Variants in WDR72 observed in about 807,000 individuals in gnomAD.
WDR72 encodes the protein WD repeat-containing protein 72.
WDR72 carries 120 observed loss-of-function variants against 124.2 expected under a neutral mutation model. The ratio of observed to expected loss-of-function variants is 0.97; its 90% CI spans 0.83 to 1.12. The LOEUF (loss-of-function observed/expected upper bound fraction) is 1.12, where lower values mean the gene tolerates loss of function less well. WDR72 is among the 50% of genes most tolerant of loss of function. The pLI is 0.00. For missense variants in WDR72, 1,387 were observed against 1,278.8 expected, an observed-to-expected ratio of 1.08 and a Z score of -1.29; for synonymous variants, 452 against 441.7, an observed-to-expected ratio of 1.02 and a Z score of -0.29.
intron 14 of WDR72, among the ~76,000 whole-genome samples, chr15:53,651,730 G>A (rs549665333): frequency 6.3e-4 from 96 of 152,280 alleles, no homozygotes; most frequent in Non-Finnish European, 1.3e-3. Context: ...TCAGCTCACT[G>A]CAACGCCTGC....
chr15:53,718,416 G>A (rs967776347), intron 3 of WDR72, among the ~76,000 whole-genome samples: 4 of 152,080 alleles, frequency 2.6e-5, no homozygotes, highest in South Asian at 2.1e-4. Flanking sequence ...AAATATTAAT[G>A]TATTTAAACC....
chr15:53,728,121 T>TG (rs1456032411), intron 2 of WDR72, among the ~76,000 whole-genome samples: 8 of 152,248 alleles, frequency 5.3e-5, no homozygotes, highest in Admixed American at 5.2e-4. Context: ...AGAAGTTTAA[T>TG]GGACTTACAG....
At chr15:53,517,808 A>T in intron 19 of WDR72, 54 bp from the exon 20 acceptor site, 1 of 1,570,534 alleles carries the variant, frequency 6.4e-7, no homozygotes, top group Non-Finnish European at 8.8e-7. Context: ...AAAGAGAAAA[A>T]AGAGAAAGAC....
chr15:53,545,721 C>T (rs1381907828), intron 18 of WDR72, among the ~76,000 whole-genome samples: 2 of 132,980 alleles, frequency 1.5e-5, no homozygotes, highest in South Asian at 2.5e-4. Context: ...TCAGAGTGAG[C>T]AGGCAACCTA....
At chr15:53,661,758 G>T (rs1278871765) in intron 14 of WDR72, among the ~76,000 whole-genome samples, 1 of 151,788 alleles carries the variant, frequency 6.6e-6, no homozygotes, top group Admixed American at 6.6e-5. Flanking sequence ...AACCAAAATA[G>T]AATTTAACAT....
chr15:53,567,619 A>G (rs1161322856), intron 18 of WDR72, among the ~76,000 whole-genome samples: 1 of 152,002 alleles, frequency 6.6e-6, no homozygotes, highest in Non-Finnish European at 1.5e-5. Context: ...TTATGTTAGC[A>G]TACCAAATTC....
intron 13 of WDR72, among the ~76,000 whole-genome samples, chr15:53,666,413 T>TA (rs749208454): frequency 4.0e-5 from 6 of 151,116 alleles, no homozygotes; most frequent in Non-Finnish European, 7.4e-5. Context: ...AACTTAAAGT[T>TA]AAAAAAAAAG....
intron 14 of WDR72, among the ~76,000 whole-genome samples, chr15:53,627,572 A>C (rs2014261016): frequency 6.6e-6 from 1 of 152,208 alleles, no homozygotes; most frequent in South Asian, 2.1e-4. Flanking sequence ...TGAGAAAACT[A>C]ACTCAGAAGC....
chr15:53,523,246 T>C lies in WDR72; in HGVS notation c.3225A>G (p.Arg1075=), dbSNP rs1891898790. The change falls in exon 19 of 20, where the codon AGA becomes AGG. Residue 1075 remains arginine, a synonymous_variant. Coordinates refer to ENST00000360509, the MANE Select transcript of WDR72 (RefSeq NM_182758.4). ...NFQDVEDMPD[R]CALEESESPG... is the part of the protein sequence containing the mutation. Reference sequence around the variant, plus strand: ...GACTCTCAGACTCTTCCAAGGCACATCTGTCAGGCATGTCCTCCACGTCTT... The same window carrying C: ...GACTCTCAGACTCTTCCAAGGCACACCTGTCAGGCATGTCCTCCACGTCTT... 5 of 1,613,170 alleles carry C rather than the reference T, an allele frequency of 3.1e-6. No homozygotes were observed. The highest frequency in any genetic ancestry group is 4.2e-6 in the Non-Finnish European group (5 of 1,179,390).
chr15:53,697,933 C>T (rs1013623123), intron 13 of WDR72, among the ~76,000 whole-genome samples: 20 of 152,202 alleles, frequency 1.3e-4, no homozygotes, highest in Admixed American at 9.8e-4. Context: ...CTCAGCCTCC[C>T]GAGTAGCTGG....
chr15:53,551,527 C>T (rs1295431403), intron 18 of WDR72, among the ~76,000 whole-genome samples: 2 of 152,098 alleles, frequency 1.3e-5, no homozygotes, highest in Admixed American at 6.6e-5. Flanking sequence ...AGTCATATCT[C>T]CCTTCCGTAG....
chr15:53,760,489 A>G (rs2140909959), upstream of WDR72, among the ~76,000 whole-genome samples: 1 of 152,232 alleles, frequency 6.6e-6, no homozygotes, highest in East Asian at 1.9e-4. Flanking sequence ...AGTTCCATCC[A>G]TGTTGTTGCA....
At chr15:53,540,005 G>A (rs1201297273) in intron 18 of WDR72, among the ~76,000 whole-genome samples, 1 of 152,126 alleles carries the variant, frequency 6.6e-6, no homozygotes, top group African/African-American at 2.4e-5. Context: ...ATGGTGGAAT[G>A]CAAACCAAAG....
chr15:53,747,100 T>C (rs1408124474), intron 1 of WDR72, among the ~76,000 whole-genome samples: 1 of 152,176 alleles, frequency 6.6e-6, no homozygotes, highest in Non-Finnish European at 1.5e-5. Flanking sequence ...CTGCAGTCCA[T>C]AGGGCCTGAC....
intron 3 of WDR72, among the ~76,000 whole-genome samples, chr15:53,719,749 A>G (rs956209156): frequency 6.6e-6 from 1 of 152,184 alleles, no homozygotes; most frequent in Admixed American, 6.5e-5. Flanking sequence ...GCCCAGACCT[A>G]CTACATCTGT....
intron 19 of WDR72, among the ~76,000 whole-genome samples, chr15:53,521,987 T>C (rs1891825693): frequency 6.6e-6 from 1 of 152,088 alleles, no homozygotes; most frequent in Admixed American, 6.6e-5. Context: ...ATTAAACATT[T>C]CTGTCACTGC....
intron 14 of WDR72, among the ~76,000 whole-genome samples, chr15:53,633,575 G>T (rs940403232): frequency 6.6e-6 from 1 of 152,094 alleles, no homozygotes; most frequent in Non-Finnish European, 1.5e-5. Context: ...CCACAAAAAA[G>T]AAAATGTACC....
chr15:53,634,741 C>G (rs957837743), intron 14 of WDR72, among the ~76,000 whole-genome samples: 2 of 152,176 alleles, frequency 1.3e-5, no homozygotes, highest in African/African-American at 4.8e-5. Flanking sequence ...TGAGGCCAAG[C>G]AGGAGCTCAA....
chr15:53,675,388 C>T (rs1171856925), intron 13 of WDR72, among the ~76,000 whole-genome samples: 1 of 151,796 alleles, frequency 6.6e-6, no homozygotes, highest in Non-Finnish European at 1.5e-5. Context: ...AATTTTTAAC[C>T]TCACTCTAAG....
Sources: gnomAD v4.1 joint callset for allele counts (sites outside exome capture counted in the v4.1 genomes callset) on GRCh38, gnomAD v4.1.1 for gene constraint, MANE v1.5 for transcripts, NCBI Gene and HGNC (gene_info 2026-07-23, HGNC 2026-07-21) for gene names.